MYO9A: variants seen among roughly 807,000 people sequenced by gnomAD.
The protein encoded by MYO9A is myosin IXA, also known as unconventional myosin-IXa.
A neutral mutation model predicts 293.3 loss-of-function variants in MYO9A; 103 were observed. The observed-to-expected ratio is 0.35, with a 90% CI of 0.30 to 0.41. The LOEUF is 0.41. Among genes scored for constraint, MYO9A ranks in the 10% least tolerant of loss-of-function variants. The pLI is 1.00. For missense variants in MYO9A, 2,685 were observed against 3,033.0 expected (o/e 0.89, Z 2.69); for synonymous variants, 1,001 against 1,035.7 (o/e 0.97, Z 0.64).
chr15:72,078,177 T>C (rs2079430209), intron 1 of MYO9A, among the ~76,000 whole-genome samples: 1 of 152,154 alleles, frequency 6.6e-6, no homozygotes, highest in African/African-American at 2.4e-5. Context: ...TCACTGGTAT[T>C]TACCCAAATG....
rs2054577776 is a variant in MYO9A, at chr15:71,827,981, A to G, written c.7086T>C (p.Ser2362=). Residue 2362 remains serine (S), a synonymous_variant, in exon 41 of 42, where the codon TCT becomes TCC. Transcript: ENST00000356056. Reference sequence around the variant, plus strand: ...CCTCAGACTCAAGGGTTTCATCATCAGAGGCACGGGGTTCCAGTACAAGCA... The same window carrying G: ...CCTCAGACTCAAGGGTTTCATCATCGGAGGCACGGGGTTCCAGTACAAGCA... ...FEMLVLEPRA[S]DDETLESEAS... 1 of 1,613,788 alleles carries G rather than the reference A, an allele frequency of 6.2e-7. No homozygotes were observed. The highest frequency in any genetic ancestry group is 1.1e-5 in the South Asian group (1 of 91,062).
In MYO9A at chr15:72,117,772, G is replaced by A. The variant is rs2081053399; in HGVS notation, c.-164C>T. On this transcript the variant is annotated 5_prime_UTR_variant, in exon 1 of 42. Transcript: ENST00000356056. ...CCCCAGGGTAGGACCGGAGATGGCA[G>A]AAGAGGCCGAGGCCACCGAGGGTCG... is the stretch of plus-strand genomic sequence containing the variant. 5.0e-6 allele frequency: 2 copies of A among 398,026 alleles called. No homozygotes were observed. The highest frequency in any genetic ancestry group is 2.1e-5 in the African/African-American group (1 of 48,580). The allele number at this position is 398,026 out of a possible 1,614,324, so 24.7% of individuals were successfully genotyped here. A position where few individuals can be genotyped will look rare whatever the true frequency, so the allele number is the denominator to read the frequency against.
intron 4 of MYO9A, among the ~76,000 whole-genome samples, chr15:72,024,344 C>T (rs926866554): frequency 6.6e-6 from 1 of 152,300 alleles, no homozygotes. Flanking sequence ...AGTGCAGTGG[C>T]ATGATCTCGA....
intron 11 of MYO9A, among the ~76,000 whole-genome samples, chr15:71,987,590 T>G (rs2076437630): frequency 6.6e-6 from 1 of 152,190 alleles, no homozygotes; most frequent in African/African-American, 2.4e-5. Flanking sequence ...TTTGTGTAAC[T>G]ACTTTACCTT....
chr15:71,862,640 T>A, intron 32 of MYO9A, 29 bp from the exon 33 acceptor site: 1 of 1,452,250 alleles, frequency 6.9e-7, no homozygotes, highest in Non-Finnish European at 9.7e-7. Flanking sequence ...CTACTTATAT[T>A]AAAGCCAACA....
chr15:71,854,845 A>C (rs1176091683), intron 34 of MYO9A, among the ~76,000 whole-genome samples: 1 of 152,224 alleles, frequency 6.6e-6, no homozygotes, highest in East Asian at 1.9e-4. Context: ...CTTCAAAAGC[A>C]AAGGTGGGAT....
At chr15:72,040,253 A>G (rs2078185941) in intron 2 of MYO9A, 1 of 152,408 alleles carries the variant, frequency 6.6e-6, no homozygotes, top group Non-Finnish European at 1.5e-5. Context: ...ATTGGTCTTC[A>G]TCCTCATCCT....
intron 2 of MYO9A, among the ~76,000 whole-genome samples, chr15:72,034,482 G>A (rs781250209): frequency 4.6e-5 from 7 of 152,144 alleles, no homozygotes; most frequent in African/African-American, 2.4e-5. Context: ...CTGTATCTTA[G>A]TAAGTCATGG....
At chr15:71,875,723 G>T in intron 32 of MYO9A, 68 bp downstream of exon 32, 2 of 762,654 alleles carry the variant, frequency 2.6e-6, no homozygotes, top group Non-Finnish European at 3.8e-6. Flanking sequence ...CATATATATT[G>T]TATGATATAC....
At chr15:71,917,850 GTATC>G (rs1711096190) in intron 18 of MYO9A, among the ~76,000 whole-genome samples, 1 of 151,916 alleles carries the variant, frequency 6.6e-6, no homozygotes, top group Admixed American at 6.6e-5. Flanking sequence ...AAGTCTAAAG[GTATC>G]TATTTTGACA....
rs985296244 is a variant in MYO9A, at chr15:71,852,326, T to C, written c.6347-66A>G. ...GCAAAGAGATTCAAATAATTCACTT[T>C]AGAAACTATCATCATTAAAGGAAGG... On this transcript the variant is annotated intron_variant, in intron 35 of 41. Transcript: ENST00000356056. The C allele has an allele frequency of 2.1e-5, 30 of 1,439,860 alleles. 1 individual carries two copies. The South Asian group carries it at 3.9e-4, about 19-fold the overall frequency. The allele number at this position is 1,439,860 out of a possible 1,614,324, so 89.2% of individuals were successfully genotyped here. A position where few individuals can be genotyped will look rare whatever the true frequency, so the allele number is the denominator to read the frequency against.
intron 12 of MYO9A, among the ~76,000 whole-genome samples, 196 bp from the exon 13 acceptor site, chr15:71,968,321 T>A (rs1402116368): frequency 6.6e-6 from 1 of 152,142 alleles, no homozygotes; most frequent in East Asian, 1.9e-4. Context: ...GTTACTATTT[T>A]ATAGATGAGG....
chr15:71,957,547 T>C (rs150529818), intron 14 of MYO9A, among the ~76,000 whole-genome samples: 1 of 152,108 alleles, frequency 6.6e-6, no homozygotes, highest in African/African-American at 2.4e-5. Context: ...GTGTACAGAG[T>C]ACAGCATAGA....
At chr15:72,047,094 T>C (rs1360610234) in intron 1 of MYO9A, among the ~76,000 whole-genome samples, 3 of 152,156 alleles carry the variant, frequency 2.0e-5, no homozygotes, top group African/African-American at 4.8e-5. Flanking sequence ...TTTGTAAAAT[T>C]TGTTAAAAAC....
At chr15:71,900,791 A>G (rs2057461015) in intron 23 of MYO9A, among the ~76,000 whole-genome samples, 1 of 152,194 alleles carries the variant, frequency 6.6e-6, no homozygotes, top group African/African-American at 2.4e-5. Context: ...GGAGTTAATA[A>G]AACAAATAAA....
intron 22 of MYO9A, 90 bp from the exon 23 acceptor site, chr15:71,901,430 A>G: frequency 1.5e-6 from 2 of 1,346,900 alleles, no homozygotes; most frequent in Non-Finnish European, 2.0e-6. Context: ...AAGCTTTTAG[A>G]GAAGAACAAA....
chr15:71,993,970 A>AC (rs1180106049), intron 10 of MYO9A, among the ~76,000 whole-genome samples: 1 of 151,754 alleles, frequency 6.6e-6, no homozygotes, highest in Non-Finnish European at 1.5e-5. Flanking sequence ...AAAAAAAAAA[A>AC]ACAGCAATCC....
intron 1 of MYO9A, among the ~76,000 whole-genome samples, chr15:72,101,442 GC>G (rs1356093283): frequency 3.8e-5 from 5 of 130,760 alleles, no homozygotes; most frequent in South Asian, 2.5e-4. Flanking sequence ...TGCCAGGCCA[GC>G]CGCCCCGTCC....
chr15:72,091,454 A>G (rs539641788), intron 1 of MYO9A, among the ~76,000 whole-genome samples: 1 of 152,246 alleles, frequency 6.6e-6, no homozygotes, highest in East Asian at 1.9e-4. Context: ...GAAATCCTTA[A>G]GACTACAGTC....
Sources: allele counts gnomAD v4.1 joint callset (sites outside exome capture counted in the v4.1 genomes callset), GRCh38; gene constraint gnomAD v4.1.1; transcripts MANE v1.5; gene names NCBI Gene and HGNC (gene_info 2026-07-23, HGNC 2026-07-21).